The following DLC1 variants were observed in gnomAD, a reference collection of about 807,000 sequenced individuals.
The protein encoded by DLC1 is DLC1 Rho GTPase activating protein.
Under a neutral mutation model 140.3 loss-of-function variants are expected in DLC1, and 54 were observed. That is an observed-to-expected ratio of 0.38 (90% confidence interval 0.31 to 0.48). The LOEUF is 0.48. DLC1 is among the 20% of genes least tolerant of loss of function. The pLI, the probability that DLC1 is intolerant of heterozygous loss-of-function variation, is 0.96. For missense variants in DLC1, 2,536 were observed against 1,907.0 expected (o/e 1.33, Z -6.14); for synonymous variants, 986 against 728.1 (o/e 1.35, Z -5.70).
At chr8:13,389,289 G>A (rs1010639657) in intron 4 of DLC1, among the ~76,000 whole-genome samples, 8 of 152,012 alleles carry the variant, frequency 5.3e-5, no homozygotes, top group Non-Finnish European at 8.8e-5. Context: ...AAAACCTTTC[G>A]TGAAACAATC....
chr8:13,092,885 A>G, intron 12 of DLC1, 60 bp from the exon 13 acceptor site: 1 of 1,545,312 alleles, frequency 6.5e-7, no homozygotes, highest in Non-Finnish European at 8.8e-7. Context: ...ATTGCAAGGA[A>G]ATGTCCCAGA....
At chr8:13,471,908 G>A (rs1321453068) in intron 2 of DLC1, among the ~76,000 whole-genome samples, 4 of 152,184 alleles carry the variant, frequency 2.6e-5, no homozygotes, top group African/African-American at 4.8e-5. Flanking sequence ...TCTCAAGGCC[G>A]AGGAGCAGCC....
chr8:13,449,694 T>G (rs535721623), intron 2 of DLC1, among the ~76,000 whole-genome samples: 54 of 151,986 alleles, frequency 3.6e-4, no homozygotes, highest in Middle Eastern at 6.8e-3. Context: ...GGGGGAGGGA[T>G]AGCATTAGGA....
At chr8:13,388,164 G>A (rs758132969) in intron 4 of DLC1, among the ~76,000 whole-genome samples, 2 of 151,724 alleles carry the variant, frequency 1.3e-5, no homozygotes, top group Non-Finnish European at 2.9e-5. Context: ...GATTAATGTC[G>A]TACTCCCAAT....
chr8:13,579,359 ATATTTT>A lies in DLC1; in HGVS notation c.-126+25172_-126+25177del, dbSNP rs1311560265. On this transcript the variant is annotated intron_variant, in intron 1 of 1. Transcript: ENST00000631382. ...TATATATATATATATATATATATAT[ATATTTT>A]TATATAATACATATTTATATATTAT... 4.0e-3 allele frequency among the ~76,000 whole-genome samples: 108 copies of A among 27,166 alleles called. 20 individuals are homozygous for A. Among genetic ancestry groups the A allele is most frequent in the African/African-American group, 6.1e-3 (33 of 5,432 alleles). 17.8% of individuals were successfully genotyped at this position (27,166 alleles called of 152,430 possible).
At position 13,090,304 on chromosome 8, in the gene DLC1, T is replaced by A; in HGVS notation, c.4022A>T (p.Lys1341Ile). 2.5e-6 allele frequency: 4 copies of A among 1,614,188 alleles called. No homozygotes were observed. Among genetic ancestry groups the A allele is most frequent in the Non-Finnish European group, 3.4e-6 (4 of 1,180,024 alleles). The change falls in exon 15 of 18, where the codon AAA becomes ATA. Residue 1341 changes from lysine (K) to isoleucine (I), a missense_variant. By Grantham distance (102) the Lys-to-Ile change is moderately radical (BLOSUM62 -3). Coordinates refer to ENST00000276297, the MANE Select transcript of DLC1 (RefSeq NM_182643.3). Reference sequence around the variant, plus strand: ...CGAAGTGGAGTAGCTGACCCAGCCTTTAAACTTCTCTTTGACTTCTTTAAA... The same window carrying A: ...CGAAGTGGAGTAGCTGACCCAGCCTATAAACTTCTCTTTGACTTCTTTAAA... ...GLFKEVKEKFKGWVSYSTSEQ... is the reference protein window; with the variant it reads ...GLFKEVKEKFIGWVSYSTSEQ...
intron 2 of DLC1, among the ~76,000 whole-genome samples, chr8:13,438,229 G>A (rs949239622): frequency 2.6e-5 from 4 of 152,056 alleles, no homozygotes; most frequent in Non-Finnish European, 5.9e-5. Context: ...ACTCTAGCAC[G>A]GGTATATTTA....
At chr8:13,494,210 G>A (rs1484227158) in intron 2 of DLC1, among the ~76,000 whole-genome samples, 1 of 152,124 alleles carries the variant, frequency 6.6e-6, no homozygotes, top group East Asian at 1.9e-4. Context: ...TGATATATTG[G>A]AATATATTTA....
chr8:13,097,275 T>TA (rs55657116), intron 10 of DLC1, among the ~76,000 whole-genome samples: 33 of 148,188 alleles, frequency 2.2e-4, no homozygotes, highest in Non-Finnish European at 3.8e-4. Context: ...TTATTATTAT[T>TA]TTTTGAGATA....
chr8:13,167,167 C>T (rs975263752), intron 5 of DLC1, among the ~76,000 whole-genome samples: 4 of 152,126 alleles, frequency 2.6e-5, no homozygotes, highest in African/African-American at 9.7e-5. Context: ...AGGGTAAACA[C>T]TCAGCAAGAA....
intron 5 of DLC1, among the ~76,000 whole-genome samples, chr8:13,132,205 C>CTGTG (rs147699066): frequency 0.026 from 3,650 of 139,162 alleles, 84 homozygotes; most frequent in African/African-American, 0.056. Context: ...AAAACCAAAA[C>CTGTG]TGTGTGTGTG....
intron 5 of DLC1, among the ~76,000 whole-genome samples, chr8:13,208,056 C>T (rs1827761702): frequency 6.6e-6 from 1 of 152,050 alleles, no homozygotes; most frequent in Non-Finnish European, 1.5e-5. Flanking sequence ...ATTTAAAATC[C>T]ATCTTATGTT....
At chr8:13,386,162 A>T (rs1315030968) in intron 4 of DLC1, among the ~76,000 whole-genome samples, 2 of 152,184 alleles carry the variant, frequency 1.3e-5, no homozygotes, top group Non-Finnish European at 2.9e-5. Context: ...TGATGATAGC[A>T]TGCAAAGTAC....
chr8:13,206,411 G>T (rs577016398), intron 5 of DLC1, among the ~76,000 whole-genome samples: 2 of 152,068 alleles, frequency 1.3e-5, no homozygotes, highest in Non-Finnish European at 2.9e-5. Flanking sequence ...TTTCTAATAC[G>T]TCTCGGCTTA....
intron 4 of DLC1, among the ~76,000 whole-genome samples, chr8:13,315,355 T>G (rs1265704707): frequency 1.3e-5 from 2 of 152,230 alleles, no homozygotes; most frequent in Non-Finnish European, 2.9e-5. Context: ...AGCCAAACAT[T>G]TGGTGCTTTC....
chr8:13,107,890 C>CA (rs1554574288), intron 7 of DLC1, among the ~76,000 whole-genome samples: 3 of 151,820 alleles, frequency 2.0e-5, no homozygotes, highest in East Asian at 1.9e-4. Context: ...TAAAAAAATA[C>CA]AAAAAATTAG....
At chr8:13,534,202 C>T (rs1465073682) in intron 1 of DLC1, among the ~76,000 whole-genome samples, 1 of 152,066 alleles carries the variant, frequency 6.6e-6, no homozygotes, top group East Asian at 1.9e-4. Context: ...CTTATTCCTC[C>T]AAAGACTTTT....
chr8:13,101,411 G>T (rs74527035), intron 8 of DLC1, among the ~76,000 whole-genome samples: 51 of 152,316 alleles, frequency 3.3e-4, no homozygotes, highest in African/African-American at 1.2e-3. Flanking sequence ...AGTCAGCAAT[G>T]AGCAGGACTG....
intron 2 of DLC1, among the ~76,000 whole-genome samples, chr8:13,416,177 C>A (rs758490384): frequency 5.3e-5 from 8 of 152,138 alleles, no homozygotes; most frequent in Non-Finnish European, 8.8e-5. Context: ...TCACTTTGGT[C>A]CTGTTTCACT....
Sources: gnomAD v4.1 joint callset for allele counts (sites outside exome capture counted in the v4.1 genomes callset) on GRCh38, gnomAD v4.1.1 for gene constraint, MANE v1.5 for transcripts, NCBI Gene and HGNC (gene_info 2026-07-23, HGNC 2026-07-21) for gene names.